The following JMJD1C variants were observed in gnomAD, a reference collection of about 807,000 sequenced individuals.
JMJD1C encodes jumonji domain containing 1C, also known as jumonji domain-containing protein 1C.
JMJD1C carries 31 observed loss-of-function variants against 245.3 expected under a neutral mutation model. The ratio of observed to expected loss-of-function variants is 0.13; its 90% CI spans 0.09 to 0.17. The LOEUF is 0.17. Ranked by LOEUF, JMJD1C falls within the 10% of genes least tolerant of loss-of-function variation. The pLI is 1.00. For missense variants in JMJD1C, 2,691 were observed against 3,000.2 expected, an observed-to-expected ratio of 0.90 and a Z score of 2.41; for synonymous variants, 1,057 against 1,017.4, an observed-to-expected ratio of 1.04 and a Z score of -0.74.
At chr10:63,309,809 C>A (rs550190094) in intron 2 of JMJD1C, among the ~76,000 whole-genome samples, 51 of 152,156 alleles carry the variant, frequency 3.4e-4, no homozygotes, top group African/African-American at 1.1e-3. Flanking sequence ...CTCAGCTACT[C>A]AGGAGGCTGA....
At chr10:63,493,940 C>T (rs7910662) in intron 1 of JMJD1C, among the ~76,000 whole-genome samples, 100,335 of 152,110 alleles carry the variant, frequency 0.66, 36,022 homozygotes, top group Non-Finnish European at 0.81. Flanking sequence ...GAGAGAGAAA[C>T]CATGGAGTCT....
Position 63,422,062 on chromosome 10 carries a change from C to T in JMJD1C, c.169-41580G>A, listed in dbSNP as rs555228407. On this transcript the variant is annotated intron_variant, in intron 1 of 25. Transcript: ENST00000399262. ...ATTTAAAGATAAAAATACAATGAAA[C>T]ATTTTTTGAGATCATAGAAGAGAGA... 4.6e-5 allele frequency among the ~76,000 whole-genome samples: 7 copies of T among 152,152 alleles called. No individual in the cohort carries two copies. In the South Asian group the frequency reaches 1.5e-3, roughly 32 times the overall value.
intron 1 of JMJD1C, among the ~76,000 whole-genome samples, chr10:63,388,536 C>T (rs1052498483): frequency 2.6e-5 from 4 of 152,030 alleles, no homozygotes; most frequent in Non-Finnish European, 5.9e-5. Flanking sequence ...TGAAAACACA[C>T]AGAATATAAA....
intron 2 of JMJD1C, among the ~76,000 whole-genome samples, chr10:63,304,830 G>A (rs1308080646): frequency 6.6e-6 from 1 of 152,142 alleles, no homozygotes; most frequent in Non-Finnish European, 1.5e-5. Context: ...TTGGTAAATA[G>A]CCAACTAAAG....
chr10:63,490,993 C>T (rs1410649287), intron 1 of JMJD1C, among the ~76,000 whole-genome samples: 2 of 152,200 alleles, frequency 1.3e-5, no homozygotes, highest in African/African-American at 2.4e-5. Flanking sequence ...CATGCAACAA[C>T]TCTATGTGCT....
Position 63,167,292 on chromosome 10 carries a change from T to TAACA in JMJD1C, c.*749_*752dup, listed in dbSNP as rs1841944695. 1 of 152,572 alleles carries TAACA rather than the reference T, an allele frequency of 6.6e-6. No individual in the cohort carries two copies. Among genetic ancestry groups the TAACA allele is most frequent in the Non-Finnish European group, 1.5e-5 (1 of 68,024 alleles). The allele number at this position is 152,572 out of a possible 1,614,324, so 9.5% of individuals were successfully genotyped here. ...CAACTTTAATGTACAAAGCCATATG[T>TAACA]AACACTTGCACTTTAACAAAAGCAA... On this transcript the variant is annotated 3_prime_UTR_variant, in exon 26 of 26. Transcript: ENST00000399262.
rs1859929166 is a variant in JMJD1C, at chr10:63,300,318, GA to G, written c.334-35555del. On this transcript the variant is annotated intron_variant, in intron 2 of 25. Transcript: ENST00000399262. Reference sequence around the variant, plus strand: ...AGCCTGGTTATCAAAAGCACAATAAGATTAGAGATGAAAATATTTGTACCAA... The same window carrying G: ...AGCCTGGTTATCAAAAGCACAATAAGTTAGAGATGAAAATATTTGTACCAA... Among the ~76,000 whole-genome samples, 3 of 152,038 alleles carry G rather than the reference GA, an allele frequency of 2.0e-5. No homozygotes were observed. In the East Asian group the frequency reaches 5.8e-4, roughly 29 times the overall value.
chr10:63,372,332 T>G (rs906387604), intron 2 of JMJD1C, among the ~76,000 whole-genome samples: 2 of 152,226 alleles, frequency 1.3e-5, no homozygotes, highest in Non-Finnish European at 2.9e-5. Flanking sequence ...TATCAAAGAT[T>G]TGAATATTTA....
intron 1 of JMJD1C, among the ~76,000 whole-genome samples, chr10:63,424,611 ATCC>A (rs1950331882): frequency 2.7e-5 from 4 of 149,654 alleles, no homozygotes. Context: ...GGCTCAAGCA[ATCC>A]TCCTACCTCA....
In JMJD1C at chr10:63,207,171, T is replaced by A. The variant is rs764824848; in HGVS notation, c.4498A>T (p.Ser1500Cys). The change falls in exon 10 of 26, where the codon AGT becomes TGT. Residue 1500 changes from serine (S) to cysteine (C), a missense_variant. By Grantham distance (112) the Ser-to-Cys change is moderately radical (BLOSUM62 -1). This residue lies in a region of JMJD1C where 1,562 missense variants were observed against 1,490.7 expected (regional missense o/e 1.05). Coordinates refer to ENST00000399262, the MANE Select transcript of JMJD1C (RefSeq NM_032776.3). ...AAAQYKSSNA[S>C]ETEPNAIKNQ... ...TTTATAGCATTAGGTTCAGTCTCAC[T>A]GGCATTACTACTTTTATACTGAGCT... 1.2e-6 allele frequency: 2 copies of A among 1,614,218 alleles called. No individual in the cohort carries two copies. Among genetic ancestry groups the A allele is most frequent in the East Asian group, 4.5e-5 (2 of 44,886 alleles).
chr10:63,194,448 C>A (rs1160795986), intron 13 of JMJD1C, 73 bp from the exon 14 acceptor site: 30 of 986,506 alleles, frequency 3.0e-5, no homozygotes, highest in Non-Finnish European at 3.6e-5. Flanking sequence ...AAGAACTTAA[C>A]GATTATATAA....
intron 1 of JMJD1C, 24 bp downstream of exon 1, chr10:63,465,471 A>T: frequency 6.3e-7 from 1 of 1,578,496 alleles, no homozygotes; most frequent in Non-Finnish European, 8.6e-7. Context: ...CGGCAGGGGA[A>T]AAGGGGGGCG....
chr10:63,326,431 T>C (rs867618190), intron 2 of JMJD1C, among the ~76,000 whole-genome samples: 1 of 148,580 alleles, frequency 6.7e-6, no homozygotes, highest in Admixed American at 6.8e-5. Flanking sequence ...TAAATAAAGA[T>C]AATAAAATAT....
intron 1 of JMJD1C, among the ~76,000 whole-genome samples, chr10:63,514,910 T>G (rs1589844876): frequency 6.6e-6 from 1 of 152,046 alleles, no homozygotes; most frequent in Non-Finnish European, 1.5e-5. Context: ...TTAGTATGCC[T>G]GTAATTTTTT....
chr10:63,364,914 A>G (rs1254827789), intron 2 of JMJD1C, among the ~76,000 whole-genome samples: 1 of 152,246 alleles, frequency 6.6e-6, no homozygotes, highest in African/African-American at 2.4e-5. Context: ...TTAAAATACA[A>G]AATTGATGAT....
rs1955033780 is a variant in JMJD1C, at chr10:63,516,903, AAC to A, written n.113+4833_113+4834del. On this transcript the variant is annotated intron_variant and non_coding_transcript_variant, in intron 1 of 3. Coordinates refer to the JMJD1C transcript ENST00000633035. ...TCATTCAATCTCTGAAGCCAAACTG[AAC>A]CTCTGTTGTAACCATAATTCCATAA... Among the ~76,000 whole-genome samples, 3 of 152,160 alleles carry A rather than the reference AAC, an allele frequency of 2.0e-5. No individual in the cohort carries two copies. In the South Asian group the frequency reaches 6.2e-4, roughly 31 times the overall value.
rs571908422 is a variant in JMJD1C, at chr10:63,197,101, G to T, written c.5644+310C>A. 2.0e-5 allele frequency among the ~76,000 whole-genome samples: 3 copies of T among 152,130 alleles called. No homozygotes were observed. In the East Asian group the frequency reaches 5.8e-4, roughly 29 times the overall value. ...TGAGATTACAGGCATGAGCCACAGT[G>T]CCCGGCCCACACACTGGAATCTTAA... On this transcript the variant is annotated intron_variant, in intron 13 of 25. Coordinates refer to ENST00000399262, the MANE Select transcript of JMJD1C (RefSeq NM_032776.3).
chr10:63,211,377 A>T (rs772369953), intron 8 of JMJD1C, among the ~76,000 whole-genome samples: 4 of 151,894 alleles, frequency 2.6e-5, no homozygotes, highest in Non-Finnish European at 4.4e-5. Flanking sequence ...GAGGCAGGAC[A>T]ATCACTTGAA....
At chr10:63,513,559 T>G (rs997796618) in intron 1 of JMJD1C, among the ~76,000 whole-genome samples, 2 of 152,190 alleles carry the variant, frequency 1.3e-5, no homozygotes, top group African/African-American at 4.8e-5. Context: ...ACAAACCATG[T>G]ATCTGACAAA....
Sources: gnomAD v4.1 joint callset for allele counts (sites outside exome capture counted in the v4.1 genomes callset) on GRCh38, gnomAD v4.1.1 for gene constraint, gnomAD v4.1.1 regional missense constraint, MANE v1.5 for transcripts, NCBI Gene and HGNC (gene_info 2026-07-23, HGNC 2026-07-21) for gene names.